Variants in CCDC181 observed in about 807,000 individuals in gnomAD.
CCDC181 encodes the protein coiled-coil domain containing 181.
CCDC181 carries 35 observed loss-of-function variants against 58.7 expected under a neutral mutation model. The ratio of observed to expected loss-of-function variants is 0.60; its 90% CI spans 0.46 to 0.79. The LOEUF (loss-of-function observed/expected upper bound fraction) is 0.79. Ranked by LOEUF, CCDC181 falls within the 30% of genes least tolerant of loss-of-function variation. CCDC181 has a pLI of 0.00. For missense variants in CCDC181, 517 were observed against 583.9 expected (o/e 0.89, Z 1.18); for synonymous variants, 183 against 197.5 (o/e 0.93, Z 0.62).
At chr1:169,443,491 A>C (rs1459854174) in intron 2 of CCDC181, 1 of 152,150 alleles carries the variant, frequency 6.6e-6, no homozygotes, top group Admixed American at 6.6e-5. Flanking sequence ...CAACAAACAT[A>C]ATTTACTTTT....
At chr1:169,454,571 T>A (rs1657634301) in intron 2 of CCDC181, 1 of 152,030 alleles carries the variant, frequency 6.6e-6, no homozygotes, top group Non-Finnish European at 1.5e-5. Context: ...CAACCATGAA[T>A]ACCTAAATTC....
intron 2 of CCDC181, among the ~76,000 whole-genome samples, chr1:169,445,854 A>C (rs1258897335): frequency 6.6e-6 from 1 of 152,052 alleles, no homozygotes; most frequent in Non-Finnish European, 1.5e-5. Flanking sequence ...GAGGTAGTGC[A>C]TTTTATCTAA....
At chr1:169,409,106 T>C (rs1213779831) in intron 4 of CCDC181, among the ~76,000 whole-genome samples, 8 of 152,150 alleles carry the variant, frequency 5.3e-5, no homozygotes, top group Admixed American at 5.2e-4. Flanking sequence ...TAAAGGAGCA[T>C]GTTCTAACAC....
intron 1 of CCDC181, among the ~76,000 whole-genome samples, chr1:169,426,627 T>G (rs181641191): frequency 9.1e-4 from 138 of 152,310 alleles, no homozygotes; most frequent in Non-Finnish European, 1.5e-3. Context: ...CAAAAATAGT[T>G]TAAATAATTG....
intron 4 of CCDC181, among the ~76,000 whole-genome samples, chr1:169,411,355 G>A (rs960395728): frequency 6.6e-6 from 1 of 152,154 alleles, no homozygotes; most frequent in Non-Finnish European, 1.5e-5. Context: ...TCAAATCTCT[G>A]TATAGACCAA....
chr1:169,429,114 G>A (rs1465996394), upstream of CCDC181, among the ~76,000 whole-genome samples: 2 of 152,094 alleles, frequency 1.3e-5, no homozygotes, highest in African/African-American at 4.8e-5. Flanking sequence ...TTCCATCCAG[G>A]TAGCTACGAT....
At chr1:169,405,024 CAGAG>C (rs769303478) in intron 4 of CCDC181, among the ~76,000 whole-genome samples, 6 of 152,138 alleles carry the variant, frequency 3.9e-5, no homozygotes, top group East Asian at 1.9e-4. Context: ...AACAGACAAA[CAGAG>C]AGCCAAATCA....
At chr1:169,429,167 G>A (rs1656832555), upstream of CCDC181, among the ~76,000 whole-genome samples, 1 of 152,138 alleles carries the variant, frequency 6.6e-6, no homozygotes, top group East Asian at 1.9e-4. Context: ...GTATTCCATG[G>A]TATGTATATG....
At chr1:169,458,849 A>C (rs1657753563) in intron 2 of CCDC181, among the ~76,000 whole-genome samples, 1 of 151,674 alleles carries the variant, frequency 6.6e-6, no homozygotes, top group South Asian at 2.1e-4. Context: ...TTTAATTTTT[A>C]ATAATTAATT....
chr1:169,409,845 T>C (rs1655865186), intron 4 of CCDC181, among the ~76,000 whole-genome samples: 1 of 152,174 alleles, frequency 6.6e-6, no homozygotes, highest in African/African-American at 2.4e-5. Flanking sequence ...CTGAGAGATT[T>C]TGTCACCACC....
At chr1:169,412,267 C>T (rs1436247388) in intron 4 of CCDC181, among the ~76,000 whole-genome samples, 1 of 152,130 alleles carries the variant, frequency 6.6e-6, no homozygotes, top group South Asian at 2.1e-4. Flanking sequence ...AGTGAATTCC[C>T]ATTCACATTG....
At chr1:169,439,699 A>G (rs545261150) in intron 2 of CCDC181, among the ~76,000 whole-genome samples, 6 of 152,254 alleles carry the variant, frequency 3.9e-5, no homozygotes, top group African/African-American at 1.4e-4. Context: ...CCCTCTTGGT[A>G]TCCGGGTCCT....
chr1:169,423,438 C>T (rs1050411328), intron 2 of CCDC181, among the ~76,000 whole-genome samples: 10 of 151,714 alleles, frequency 6.6e-5, no homozygotes, highest in African/African-American at 1.9e-4. Context: ...CTTTTCTTTT[C>T]TTTTCTTTTG....
chr1:169,415,533 G>A (rs1656177183), intron 4 of CCDC181, among the ~76,000 whole-genome samples: 1 of 152,172 alleles, frequency 6.6e-6, no homozygotes, highest in South Asian at 2.1e-4. Flanking sequence ...CTCTGAAACA[G>A]AGGCTGCATT....
chr1:169,450,858 T>A (rs1277708976), intron 2 of CCDC181, among the ~76,000 whole-genome samples: 1 of 152,222 alleles, frequency 6.6e-6, no homozygotes, highest in Non-Finnish European at 1.5e-5. Flanking sequence ...TGCTATCTCA[T>A]TGGCATTAAT....
At chr1:169,419,309 G>A in intron 3 of CCDC181, 150 bp from the exon 4 acceptor site, 1 of 966,234 alleles carries the variant, frequency 1.0e-6, no homozygotes, top group East Asian at 2.7e-5. Context: ...GCCAGACACG[G>A]TGGCTCATGC....
In CCDC181 at chr1:169,424,892, A is replaced by G. The variant is rs770742782; in HGVS notation, c.36T>C (p.Ser12=). 18 of 1,604,942 alleles carry G rather than the reference A, an allele frequency of 1.1e-5. No individual in the cohort carries two copies. The highest frequency in any genetic ancestry group is 1.4e-5 in the Non-Finnish European group (17 of 1,173,106). Residue 12 remains serine, a synonymous_variant, in exon 2 of 6, where the codon AGT becomes AGC. Transcript: ENST00000367806. ...TTTCAAAGTCATCTTCGTATTCTTC[A>G]CTTTTCTTTGAATCAGTATCTTTAT... ...NENKDTDSKK[S]EEYEDDFEKD... is the part of the protein sequence containing the mutation.
At chr1:169,443,709 TAAGG>T (rs1353426816) in intron 2 of CCDC181, among the ~76,000 whole-genome samples, 3 of 152,126 alleles carry the variant, frequency 2.0e-5, no homozygotes, top group South Asian at 2.1e-4. Flanking sequence ...AATTAAGAAA[TAAGG>T]AAGCTAAACA....
intron 2 of CCDC181, among the ~76,000 whole-genome samples, chr1:169,448,745 TG>T (rs1463210304): frequency 1.3e-5 from 2 of 152,174 alleles, no homozygotes; most frequent in African/African-American, 4.8e-5. Context: ...TTAATTCAAA[TG>T]TTTCTTCTGT....
Sources: allele counts gnomAD v4.1 joint callset (sites outside exome capture counted in the v4.1 genomes callset), GRCh38; gene constraint gnomAD v4.1.1; transcripts MANE v1.5; gene names NCBI Gene and HGNC (gene_info 2026-07-23, HGNC 2026-07-21).